The following PDZRN4 variants were observed in gnomAD, a reference collection of about 807,000 sequenced individuals.
PDZRN4 encodes the protein PDZ domain containing ring finger 4.
In PDZRN4, 70 loss-of-function variants were observed where a neutral mutation model predicts 99.0. That is an observed-to-expected ratio of 0.71 (90% CI 0.58 to 0.86). The LOEUF is 0.86. PDZRN4 is among the 40% of genes least tolerant of loss of function. The pLI is 0.00. For synonymous variants in PDZRN4, 551 were observed against 501.6 expected, an observed-to-expected ratio of 1.10 and a Z score of -1.32; for missense variants, 1,474 against 1,331.2, an observed-to-expected ratio of 1.11 and a Z score of -1.67.
intron 3 of PDZRN4, among the ~76,000 whole-genome samples, chr12:41,415,381 T>C (rs1952436183): frequency 6.7e-6 from 1 of 149,346 alleles, no homozygotes; most frequent in Non-Finnish European, 1.5e-5. Flanking sequence ...AAATGTTATA[T>C]ATATATAACA....
chr12:41,198,068 C>T (rs1178951351), intron 3 of PDZRN4, among the ~76,000 whole-genome samples: 1 of 151,728 alleles, frequency 6.6e-6, no homozygotes, highest in Admixed American at 6.6e-5. Context: ...GTGCACCCCA[C>T]CTCACCTGGC....
intron 3 of PDZRN4, among the ~76,000 whole-genome samples, chr12:41,279,068 G>A (rs565858505): frequency 6.6e-6 from 1 of 152,318 alleles, no homozygotes; most frequent in East Asian, 1.9e-4. Flanking sequence ...TAGGATTCTT[G>A]TTAAGTGACT....
Position 41,254,480 on chromosome 12 carries a change from T to C in PDZRN4, c.843+60292T>C, listed in dbSNP as rs555624385. Among the ~76,000 whole-genome samples, 25 of 152,358 alleles carry C rather than the reference T, an allele frequency of 1.6e-4. No individual in the cohort carries two copies. In the East Asian group the frequency reaches 4.6e-3, roughly 28 times the overall value. On this transcript the variant is annotated intron_variant, in intron 3 of 9. Coordinates refer to ENST00000402685, the MANE Select transcript of PDZRN4 (RefSeq NM_001164595.2). ...AATCTTTCTGAATAATAGTTTCTTA[T>C]ATAATTATGCGAATGTTGATATTTA...
intron 3 of PDZRN4, among the ~76,000 whole-genome samples, chr12:41,250,268 G>T (rs1021405979): frequency 3.3e-5 from 5 of 152,116 alleles, no homozygotes; most frequent in Non-Finnish European, 5.9e-5. Flanking sequence ...TGTGTTACAA[G>T]AAAAACAGTT....
At chr12:41,391,188 G>T (rs1952208848) in intron 3 of PDZRN4, among the ~76,000 whole-genome samples, 1 of 152,110 alleles carries the variant, frequency 6.6e-6, no homozygotes, top group Non-Finnish European at 1.5e-5. Flanking sequence ...AGCAAAGAGT[G>T]CCCCCCTGAA....
chr12:41,391,490 G>C (rs948400343), intron 3 of PDZRN4, among the ~76,000 whole-genome samples: 14 of 152,290 alleles, frequency 9.2e-5, no homozygotes, highest in African/African-American at 2.9e-4. Flanking sequence ...CCCAGAATCT[G>C]TGGCCAAGAG....
At chr12:41,241,998 A>C (rs1190892845) in intron 3 of PDZRN4, among the ~76,000 whole-genome samples, 2 of 152,200 alleles carry the variant, frequency 1.3e-5, no homozygotes, top group Admixed American at 6.5e-5. Context: ...TGGTAGGGTC[A>C]CTTGCAGTTG....
chr12:41,520,859 C>T (rs533786325), intron 5 of PDZRN4, among the ~76,000 whole-genome samples: 181 of 152,130 alleles, frequency 1.2e-3, no homozygotes, highest in Non-Finnish European at 2.1e-3. Context: ...ATAAATGAAA[C>T]AGATTAGGAG....
chr12:41,551,784 G>A (rs1051846323), intron 5 of PDZRN4, among the ~76,000 whole-genome samples: 17 of 152,254 alleles, frequency 1.1e-4, no homozygotes, highest in African/African-American at 3.6e-4. Context: ...CATAATTAGT[G>A]TGCTAATTTG....
At chr12:41,226,008 A>G (rs1008448464) in intron 3 of PDZRN4, among the ~76,000 whole-genome samples, 2 of 151,672 alleles carry the variant, frequency 1.3e-5, no homozygotes, top group Admixed American at 1.3e-4. Context: ...TCAACAATTT[A>G]CCCATTCTGA....
At chr12:41,542,555 C>A (rs149979695) in intron 5 of PDZRN4, among the ~76,000 whole-genome samples, 5 of 152,134 alleles carry the variant, frequency 3.3e-5, no homozygotes, top group Non-Finnish European at 7.3e-5. Flanking sequence ...GATTCTGCCA[C>A]CCCCAACACA....
chr12:41,310,794 C>T (rs1028655399), intron 3 of PDZRN4, among the ~76,000 whole-genome samples: 1 of 152,138 alleles, frequency 6.6e-6, no homozygotes, highest in Non-Finnish European at 1.5e-5. Context: ...TATTTTGTCA[C>T]TTTCTTTAGT....
intron 3 of PDZRN4, among the ~76,000 whole-genome samples, chr12:41,458,555 A>G (rs1465051807): frequency 6.6e-6 from 1 of 152,186 alleles, no homozygotes; most frequent in East Asian, 1.9e-4. Context: ...GAGGGTTACT[A>G]TTAACTAAGT....
intron 3 of PDZRN4, among the ~76,000 whole-genome samples, chr12:41,237,114 A>T (rs1364931270): frequency 1.3e-5 from 2 of 152,160 alleles, no homozygotes; most frequent in Non-Finnish European, 2.9e-5. Flanking sequence ...AATAAAAAAC[A>T]TAATTAGGTG....
At chr12:41,562,201 CAT>C (rs761266017) in intron 7 of PDZRN4, among the ~76,000 whole-genome samples, 5 of 151,702 alleles carry the variant, frequency 3.3e-5, no homozygotes, top group African/African-American at 1.2e-4. Flanking sequence ...AATTTGTGCC[CAT>C]ATATATATAT....
At chr12:41,411,445 A>G (rs1052554708) in intron 3 of PDZRN4, 3 of 152,216 alleles carry the variant, frequency 2.0e-5, no homozygotes, top group Non-Finnish European at 4.4e-5. Context: ...TTAGATTAGT[A>G]CAACTTGCAC....
In PDZRN4 at chr12:41,573,977, T is replaced by A. The variant is rs571509805; in HGVS notation, c.*87T>A. 6.5e-6 allele frequency: 6 copies of A among 920,790 alleles called. No homozygotes were observed. Among genetic ancestry groups the A allele is most frequent in the Non-Finnish European group, 6.3e-6 (4 of 634,334 alleles). The allele number at this position is 920,790 out of a possible 1,614,324, so 57.0% of individuals were successfully genotyped here. A position where few individuals can be genotyped will look rare whatever the true frequency, so the allele number is the denominator to read the frequency against. On this transcript the variant is annotated 3_prime_UTR_variant, in exon 10 of 10. Transcript: ENST00000402685. ...GATTGCCTCGTTCAATGTGGCGTTT[T>A]TATATATATTTTGTGACTCTTTATA... is the stretch of plus-strand genomic sequence containing the variant.
intron 3 of PDZRN4, among the ~76,000 whole-genome samples, chr12:41,330,490 T>TAAAAAAAAAAA (rs201298001): frequency 7.2e-6 from 1 of 139,490 alleles, no homozygotes; most frequent in Non-Finnish European, 1.5e-5. Context: ...TCTAATATGG[T>TAAAAAAAAAAA]AAAAAAAAAA....
At chr12:41,460,519 A>G (rs191918386) in intron 3 of PDZRN4, among the ~76,000 whole-genome samples, 4 of 152,312 alleles carry the variant, frequency 2.6e-5, no homozygotes, top group East Asian at 1.9e-4. Context: ...TCCTGTACCA[A>G]TCTTCTAAGA....
Sources: gnomAD v4.1 joint callset for allele counts (sites outside exome capture counted in the v4.1 genomes callset) on GRCh38, gnomAD v4.1.1 for gene constraint, MANE v1.5 for transcripts, NCBI Gene and HGNC (gene_info 2026-07-23, HGNC 2026-07-21) for gene names.